Variants in LACTB observed in about 807,000 individuals in gnomAD.
LACTB encodes lactamase beta.
A neutral mutation model predicts 50.2 loss-of-function variants in LACTB; 35 were observed. That is an observed-to-expected ratio of 0.70 (90% confidence interval 0.53 to 0.92). The LOEUF (loss-of-function observed/expected upper bound fraction) is 0.92. Ranked by LOEUF, LACTB falls within the 40% of genes least tolerant of loss-of-function variation. LACTB has a pLI of 0.00. For missense variants in LACTB, 664 were observed against 691.8 expected, an observed-to-expected ratio of 0.96 and a Z score of 0.45; for synonymous variants, 252 against 268.2, an observed-to-expected ratio of 0.94 and a Z score of 0.59.
intron 5 of LACTB, among the ~76,000 whole-genome samples, chr15:63,139,731 G>T (rs1050360995): frequency 2.6e-5 from 4 of 152,168 alleles, no homozygotes; most frequent in African/African-American, 7.2e-5. Flanking sequence ...TACTGGGGAG[G>T]CTGAGGCAGG....
At chr15:63,136,067 G>A (rs1193661860) in intron 5 of LACTB, among the ~76,000 whole-genome samples, 2 of 139,194 alleles carry the variant, frequency 1.4e-5, no homozygotes, top group East Asian at 4.3e-4. Context: ...TTTGAGACAA[G>A]ATCTCACTCT....
At chr15:63,136,237 C>A (rs537215143) in intron 5 of LACTB, among the ~76,000 whole-genome samples, 1 of 152,186 alleles carries the variant, frequency 6.6e-6, no homozygotes, top group East Asian at 1.9e-4. Context: ...GAGATGAGAT[C>A]TTGCTGTGTT....
intron 5 of LACTB, chr15:63,130,043 T>G (rs2037109368): frequency 6.5e-6 from 1 of 154,720 alleles, no homozygotes; most frequent in South Asian, 2.0e-4. Flanking sequence ...GCAAGAGTAG[T>G]ACAAAGGATT....
intron 2 of LACTB, among the ~76,000 whole-genome samples, chr15:63,124,938 C>T (rs1308221503): frequency 1.4e-5 from 2 of 146,302 alleles, no homozygotes; most frequent in Non-Finnish European, 1.5e-5. Flanking sequence ...TGGGCAACAG[C>T]GAGACTCTGT....
chr15:63,123,417 G>T (rs2729818), intron 2 of LACTB, among the ~76,000 whole-genome samples: 2,615 of 152,256 alleles, frequency 0.017, 73 homozygotes, highest in African/African-American at 0.059. Context: ...AAGTACTGGG[G>T]TTATACACTA....
chr15:63,129,013 G>C (rs2037094270), intron 4 of LACTB, among the ~76,000 whole-genome samples: 1 of 152,162 alleles, frequency 6.6e-6, no homozygotes, highest in African/African-American at 2.4e-5. Flanking sequence ...AAAGTGCTAG[G>C]ACACAGGAGT....
rs774191436 is a variant in LACTB at position 63,127,563 on chromosome 15, C to T, written c.826C>T (p.Arg276Trp). The change falls in exon 4 of 6, where the codon CGG (arginine) becomes TGG (tryptophan). Residue 276 changes from arginine (R) to tryptophan (W), a missense_variant. Arg to Trp is a moderately radical substitution (Grantham distance 101, BLOSUM62 -3). Transcript: ENST00000261893. Reference sequence around the variant, plus strand: ...AGAGCAGGAGAATGAAGCCAAATGCCGGAATTCAAAACCTGGCAAGAAAAA... The same window carrying T: ...AGAGCAGGAGAATGAAGCCAAATGCTGGAATTCAAAACCTGGCAAGAAAAA... ...KTEQENEAKC[R>W]NSKPGKKKND... The T allele has an allele frequency of 8.1e-6, 13 of 1,613,426 alleles. No homozygotes were observed. In the East Asian group the frequency reaches 1.1e-4, roughly 14 times the overall value.
At chr15:63,135,380 G>A (rs910339485) in intron 5 of LACTB, among the ~76,000 whole-genome samples, 7 of 152,150 alleles carry the variant, frequency 4.6e-5, no homozygotes, top group Admixed American at 2.6e-4. Context: ...TTTTTTAAAT[G>A]GCCTGTGGTT....
intron 5 of LACTB, among the ~76,000 whole-genome samples, chr15:63,132,820 A>C (rs7174466): frequency 0.75 from 113,169 of 150,648 alleles, 42,838 homozygotes; most frequent in East Asian, 1. Flanking sequence ...GACCCCATTT[A>C]AAAAAAATTT....
rs2037060252 is a variant in LACTB, at chr15:63,126,900, CCAG to C, written c.467_469del (p.Pro156_Glu157delinsGln). 2.5e-6 allele frequency: 4 copies of C among 1,612,064 alleles called. No individual in the cohort carries two copies. The African/African-American group carries it at 4.0e-5, about 16-fold the overall frequency. The stretch of plus-strand genomic sequence containing the variant: ...TGTTGAGAACCGTGTACCATGTAAA[CCAG>C]AGACAGTTATGCGAATTGCTAGCAT... On this transcript the variant is annotated inframe_deletion, in exon 3 of 6. Coordinates refer to ENST00000261893, the MANE Select transcript of LACTB (RefSeq NM_032857.5).
Position 63,141,935 on chromosome 15 carries a change from C to A in LACTB, c.*130C>A. Reference sequence around the variant, plus strand: ...ACTGAATGCAGAGAATTATGTACCTCTAATTGCTTAATTTTGTAATGGTCT... The same window carrying A: ...ACTGAATGCAGAGAATTATGTACCTATAATTGCTTAATTTTGTAATGGTCT... On this transcript the variant is annotated 3_prime_UTR_variant, in exon 6 of 6. Coordinates refer to ENST00000261893, the MANE Select transcript of LACTB (RefSeq NM_032857.5). 1 of 692,942 alleles carries A rather than the reference C, an allele frequency of 1.4e-6. No individual in the cohort carries two copies. Among genetic ancestry groups the A allele is most frequent in the Non-Finnish European group, 2.3e-6 (1 of 429,818 alleles). 42.9% of individuals were successfully genotyped at this position (692,942 alleles called of 1,614,324 possible). A position where few individuals can be genotyped will look rare whatever the true frequency, so the allele number is the denominator to read the frequency against.
intron 4 of LACTB, among the ~76,000 whole-genome samples, chr15:63,128,850 T>A (rs1419045911): frequency 2.6e-5 from 4 of 152,066 alleles, no homozygotes; most frequent in Admixed American, 6.5e-5. Context: ...TTTAAGCGAT[T>A]TTCCTTCTTC....
At chr15:63,122,603 C>G (rs573053364) in intron 1 of LACTB, 33 bp from the exon 2 acceptor site, 103 of 1,561,214 alleles carry the variant, frequency 6.6e-5, no homozygotes, top group Middle Eastern at 3.3e-4. Context: ...TCAGCAGGCC[C>G]GTAACTGTCG....
intron 5 of LACTB, among the ~76,000 whole-genome samples, chr15:63,133,956 A>G (rs138110783): frequency 1.2e-3 from 190 of 152,374 alleles, no homozygotes; most frequent in Non-Finnish European, 2.2e-3. Context: ...AAATACTTTA[A>G]TTCAGAAAGA....
intron 4 of LACTB, 81 bp from the exon 5 acceptor site, chr15:63,129,404 T>A (rs1345897522): frequency 4.0e-6 from 5 of 1,265,758 alleles, no homozygotes; most frequent in Admixed American, 5.7e-5. Flanking sequence ...GTATGCCAAT[T>A]TTCAGTGGGA....
chr15:63,137,980 T>A (rs1315161968), intron 5 of LACTB, among the ~76,000 whole-genome samples: 4 of 152,216 alleles, frequency 2.6e-5, no homozygotes, highest in Non-Finnish European at 5.9e-5. Context: ...AAACTTCTTA[T>A]AACAATAAAT....
At chr15:63,141,009 G>T (rs2037222811) in intron 5 of LACTB, 1 of 984,948 alleles carries the variant, frequency 1.0e-6, no homozygotes, top group South Asian at 4.7e-5. Context: ...AGGTATTAAA[G>T]GTTTGATACA....
chr15:63,130,534 A>AAAAG (rs2037119249), intron 5 of LACTB: 1 of 152,284 alleles, frequency 6.6e-6, no homozygotes, highest in Non-Finnish European at 1.5e-5. Context: ...AAAAAAAAAA[A>AAAAG]GGACATTTGG....
intron 2 of LACTB, among the ~76,000 whole-genome samples, chr15:63,124,428 G>T (rs948518775): frequency 6.6e-6 from 1 of 152,030 alleles, no homozygotes; most frequent in African/African-American, 2.4e-5. Flanking sequence ...GTGGCTTGCC[G>T]CCCACACACT....
Sources: gnomAD v4.1 joint callset for allele counts (sites outside exome capture counted in the v4.1 genomes callset) on GRCh38, gnomAD v4.1.1 for gene constraint, MANE v1.5 for transcripts, NCBI Gene and HGNC (gene_info 2026-07-23, HGNC 2026-07-21) for gene names.